Variants in SV2C observed in about 807,000 individuals in gnomAD.
SV2C encodes the protein synaptic vesicle glycoprotein 2C.
In SV2C, 49 loss-of-function variants were observed where a neutral mutation model predicts 79.7. That is an observed-to-expected ratio of 0.61 (90% CI 0.49 to 0.78). The LOEUF is 0.78. Ranked by LOEUF, SV2C falls within the 30% of genes least tolerant of loss-of-function variation. The pLI is 0.00. For missense variants in SV2C, 833 were observed against 912.9 expected, an observed-to-expected ratio of 0.91 and a Z score of 1.13; for synonymous variants, 334 against 333.2, an observed-to-expected ratio of 1.00 and a Z score of -0.03.
chr5:75,907,835 T>C, the SV2C span, among the ~76,000 whole-genome samples: 1 of 152,344 alleles, frequency 6.6e-6, no homozygotes, highest in Middle Eastern at 3.4e-3. Flanking sequence ...AATAGAGGCT[T>C]GAAGGAAGAC....
chr5:76,235,163 A>G (rs1240602620), intron 4 of SV2C, among the ~76,000 whole-genome samples: 5 of 137,088 alleles, frequency 3.6e-5, no homozygotes, highest in African/African-American at 1.4e-4. Context: ...AGGGAGAATT[A>G]TCCATGGAGA....
the SV2C span, among the ~76,000 whole-genome samples, chr5:75,926,021 CT>C: frequency 0.029 from 4,362 of 152,172 alleles, 167 homozygotes; most frequent in African/African-American, 0.086. Flanking sequence ...AACATCTGAA[CT>C]TTTTTAAAGT....
Position 76,132,132 on chromosome 5 carries a change from A to T in SV2C, c.382A>T (p.Arg128Ter). The T allele has an allele frequency of 6.2e-7, 1 of 1,614,114 alleles. No individual in the cohort carries two copies. Among genetic ancestry groups the T allele is most frequent in the Non-Finnish European group, 8.5e-7 (1 of 1,180,006 alleles). Reference sequence around the variant, plus strand: ...CCGGCGGGAGCTGGAATCAGAAAGGAGAGCTGACGAGGAAGAGTTAGCCCA... The same window carrying T: ...CCGGCGGGAGCTGGAATCAGAAAGGTGAGCTGACGAGGAAGAGTTAGCCCA... ...KDRRELESER[R>*]ADEEELAQQY... Residue 128 changes from arginine to a stop codon, truncating the protein, a stop_gained, in exon 2 of 13, where the codon AGA becomes TGA. Transcript: ENST00000502798. LOFTEE classifies it high-confidence loss of function.
At chr5:76,064,627 G>A in the SV2C span, among the ~76,000 whole-genome samples, 1 of 152,076 alleles carries the variant, frequency 6.6e-6, no homozygotes, top group African/African-American at 2.4e-5. Flanking sequence ...TGGCCACTGG[G>A]AGTCTACAAT....
intron 4 of SV2C, among the ~76,000 whole-genome samples, chr5:76,263,479 G>T (rs962093084): frequency 6.6e-6 from 1 of 152,014 alleles, no homozygotes; most frequent in African/African-American, 2.4e-5. Context: ...GGTTAATATT[G>T]TTATGTGTGA....
chr5:76,146,386 A>T (rs571494332), intron 2 of SV2C, among the ~76,000 whole-genome samples: 1 of 152,318 alleles, frequency 6.6e-6, no homozygotes, highest in East Asian at 1.9e-4. Context: ...TCTTGGTGAT[A>T]TGCTAAACAA....
chr5:76,260,808 G>T (rs901670721), intron 4 of SV2C, among the ~76,000 whole-genome samples: 1 of 151,048 alleles, frequency 6.6e-6, no homozygotes, highest in Non-Finnish European at 1.5e-5. Context: ...TTATATATCT[G>T]TTTTGGTACC....
the SV2C span, among the ~76,000 whole-genome samples, chr5:75,870,350 G>A: frequency 4.6e-5 from 7 of 151,948 alleles, no homozygotes; most frequent in Admixed American, 4.6e-4. Context: ...ATCTGGAGCT[G>A]TGAAATGCAT....
chr5:76,033,600 G>T, the SV2C span, among the ~76,000 whole-genome samples: 13 of 152,254 alleles, frequency 8.5e-5, no homozygotes, highest in East Asian at 2.3e-3. Context: ...CTGTTCCATT[G>T]ATCTATATCT....
downstream of SV2C, among the ~76,000 whole-genome samples, chr5:76,335,472 G>C (rs1580085227): frequency 1.4e-5 from 2 of 147,218 alleles, no homozygotes; most frequent in South Asian, 2.1e-4. Flanking sequence ...CTCACAGAGG[G>C]GGATTTGGCA....
Position 76,132,426 on chromosome 5 carries a change from C to T in SV2C, c.580+96C>T, listed in dbSNP as rs1000770221. 1.3e-5 allele frequency: 16 copies of T among 1,253,154 alleles called. No homozygotes were observed. In the African/African-American group the frequency reaches 2.1e-4, roughly 17 times the overall value. 77.6% of individuals were successfully genotyped at this position (1,253,154 alleles called of 1,614,324 possible). On this transcript the variant is annotated intron_variant, in intron 2 of 12. Coordinates refer to ENST00000502798, the MANE Select transcript of SV2C (RefSeq NM_014979.4). ...GAATAAATACTTTTCATCTAGAGTA[C>T]TGCATTTTTTCTAACAAATTTTTTA...
At chr5:76,028,626 T>C in the SV2C span, among the ~76,000 whole-genome samples, 1 of 152,212 alleles carries the variant, frequency 6.6e-6, no homozygotes, top group Admixed American at 6.5e-5. Flanking sequence ...ATCTGGAAGA[T>C]GCAGTATTGG....
intron 1 of SV2C, among the ~76,000 whole-genome samples, chr5:76,087,236 A>G (rs1181176842): frequency 6.6e-6 from 1 of 152,230 alleles, no homozygotes; most frequent in Non-Finnish European, 1.5e-5. Flanking sequence ...CCTGCTTAAC[A>G]TAAAGAAGAT....
chr5:75,881,289 T>C, the SV2C span, among the ~76,000 whole-genome samples: 1 of 152,152 alleles, frequency 6.6e-6, no homozygotes, highest in Non-Finnish European at 1.5e-5. Context: ...GTCAGTAAAA[T>C]GAAGAGAAAA....
the SV2C span, among the ~76,000 whole-genome samples, chr5:76,041,097 G>C: frequency 6.6e-6 from 1 of 152,074 alleles, no homozygotes; most frequent in African/African-American, 2.4e-5. Flanking sequence ...TTGTACCAGG[G>C]CTGATTCACT....
the SV2C span, among the ~76,000 whole-genome samples, chr5:76,073,113 C>T: frequency 2.6e-5 from 4 of 152,106 alleles, no homozygotes; most frequent in African/African-American, 9.7e-5. Context: ...ATCTATTTAT[C>T]TTTGTTTTTG....
At chr5:76,113,584 T>A (rs866001696) in intron 1 of SV2C, among the ~76,000 whole-genome samples, 1 of 152,306 alleles carries the variant, frequency 6.6e-6, no homozygotes, top group East Asian at 1.9e-4. Flanking sequence ...TTCTCAAACA[T>A]TGGTGGAATA....
the SV2C span, chr5:75,910,859 T>G: frequency 8.7e-7 from 1 of 1,155,318 alleles, no homozygotes; most frequent in Admixed American, 1.7e-5. Context: ...CAAGCTGAAC[T>G]GCAATCTCTA....
At chr5:76,107,486 T>C (rs1166917982) in intron 1 of SV2C, among the ~76,000 whole-genome samples, 1 of 152,212 alleles carries the variant, frequency 6.6e-6, no homozygotes, top group East Asian at 1.9e-4. Context: ...CAGATTATTA[T>C]TAATTACATT....
Sources: allele counts gnomAD v4.1 joint callset (sites outside exome capture counted in the v4.1 genomes callset), GRCh38; gene constraint gnomAD v4.1.1; transcripts MANE v1.5; gene names NCBI Gene and HGNC (gene_info 2026-07-23, HGNC 2026-07-21).